Variants in PCDHGA10 observed in about 807,000 individuals in gnomAD.
The protein encoded by PCDHGA10 is protocadherin gamma subfamily A, 10.
Under a neutral mutation model 59.5 loss-of-function variants are expected in PCDHGA10, and 42 were observed. That is an observed-to-expected ratio of 0.71 (90% CI 0.55 to 0.91). The LOEUF is 0.91. PCDHGA10 is among the 40% of genes least tolerant of loss of function. PCDHGA10 has a pLI of 0.00. For missense variants in PCDHGA10, 1,111 were observed against 1,198.2 expected (o/e 0.93, Z 1.07); for synonymous variants, 511 against 517.2 (o/e 0.99, Z 0.16).
At chr5:141,465,047 T>C (rs2099095978) in intron 1 of PCDHGA10, among the ~76,000 whole-genome samples, 1 of 152,088 alleles carries the variant, frequency 6.6e-6, no homozygotes, top group Non-Finnish European at 1.5e-5. Context: ...TGACCCTATA[T>C]ATTTTTTTGA....
chr5:141,498,093 G>T (rs975304630), intron 2 of PCDHGA10, among the ~76,000 whole-genome samples: 4 of 152,220 alleles, frequency 2.6e-5, no homozygotes, highest in Admixed American at 1.3e-4. Context: ...AATTGTATCT[G>T]GTGGTGTGGG....
rs188373658 is a variant in PCDHGA10 at position 141,492,228 on chromosome 5, C to T, written c.2437-2579C>T. ...TGCGCGCGGGGCTCATGCGTGTCCT[C>T]CCTGCTGGCCACCCCCACGGCCCAC... On this transcript the variant is annotated intron_variant, in intron 1 of 3. Coordinates refer to ENST00000398610, the MANE Select transcript of PCDHGA10 (RefSeq NM_018913.3). Among the ~76,000 whole-genome samples the T allele has an allele frequency of 5.3e-5, 8 of 152,292 alleles. No individual in the cohort carries two copies. In the East Asian group the frequency reaches 1.2e-3, roughly 22 times the overall value.
At chr5:141,428,174 G>A (rs962782246) in intron 1 of PCDHGA10, 3 of 1,515,246 alleles carry the variant, frequency 2.0e-6, no homozygotes, top group Non-Finnish European at 2.7e-6. Context: ...TGTGCGTGAC[G>A]GAGGACAGCC....
intron 1 of PCDHGA10, chr5:141,420,344 T>G (rs2096490860): frequency 2.2e-6 from 3 of 1,394,808 alleles, no homozygotes; most frequent in African/African-American, 1.5e-5. Flanking sequence ...TATAGTGGTA[T>G]TATTTTAAGA....
chr5:141,424,184 C>A, intron 1 of PCDHGA10: 1 of 199,136 alleles, frequency 5.0e-6, no homozygotes, highest in Non-Finnish European at 9.9e-6. Context: ...TACACATGCA[C>A]ACACACTTAT....
At position 141,491,752 on chromosome 5, in the gene PCDHGA10, G is replaced by C. The variant is rs1464731659; in HGVS notation, c.2437-3055G>C. 6 of 1,586,646 alleles carry C rather than the reference G, an allele frequency of 3.8e-6. No homozygotes were observed. The African/African-American group carries it at 8.1e-5, about 21-fold the overall frequency. On this transcript the variant is annotated intron_variant, in intron 1 of 3. Transcript: ENST00000398610. The surrounding 1 kb of genome is among the most constrained non-coding windows in gnomAD (Gnocchi z 6.9). ...GACCCCTGGGGGCGGCACTGGAGAA[G>C]CCGCCCGTCCTCATAAGGGATTGAA...
chr5:141,498,616 G>T (rs1202866176), intron 2 of PCDHGA10, among the ~76,000 whole-genome samples: 1 of 152,138 alleles, frequency 6.6e-6, no homozygotes, highest in East Asian at 1.9e-4. Flanking sequence ...AGTCAGCACT[G>T]GGTCACACTG....
Position 141,501,335 on chromosome 5 carries a change from C to A in PCDHGA10, c.2496-4058C>A, listed in dbSNP as rs977626682. 1.5e-4 allele frequency among the ~76,000 whole-genome samples: 20 copies of A among 135,718 alleles called. No individual in the cohort carries two copies. In the East Asian group the frequency reaches 2.2e-3, roughly 15 times the overall value. The allele number at this position is 135,718 out of a possible 152,430, so 89.0% of individuals were successfully genotyped here. The stretch of plus-strand genomic sequence containing the variant: ...CACACACACACACACACACACACAC[C>A]CCAAACTCAATAGGGCAAGAACCAT... On this transcript the variant is annotated intron_variant, in intron 2 of 3. Transcript: ENST00000398610.
At chr5:141,479,241 G>T (rs2099490987) in intron 1 of PCDHGA10, 1 of 152,174 alleles carries the variant, frequency 6.6e-6, no homozygotes, top group Admixed American at 6.5e-5. Context: ...CAAACCCAAA[G>T]ATAACCATTT....
At chr5:141,417,460 A>G (rs1160577617) in intron 1 of PCDHGA10, 1 of 180,404 alleles carries the variant, frequency 5.5e-6, no homozygotes, top group Non-Finnish European at 1.1e-5. Flanking sequence ...GACCAAGTGG[A>G]AATATATTTC....
chr5:141,443,216 C>T (rs758242896), intron 1 of PCDHGA10, among the ~76,000 whole-genome samples: 3 of 151,908 alleles, frequency 2.0e-5, no homozygotes, highest in South Asian at 2.1e-4. Context: ...TCTCGCCAGG[C>T]GCATCTATAA....
At position 141,423,462 on chromosome 5, in the gene PCDHGA10, C is replaced by A. The variant is rs371118964; in HGVS notation, c.2436+7851C>A. ...CCACGTCACATTTTGTAGGCGTGGA[C>A]GGGGTACAGGCTTTCCTGCAAACCT... On this transcript the variant is annotated intron_variant, in intron 1 of 3. Transcript: ENST00000398610. 8.1e-6 allele frequency: 13 copies of A among 1,613,808 alleles called. No homozygotes were observed. The African/African-American group carries it at 1.7e-4, about 22-fold the overall frequency.
At chr5:141,433,361 A>G (rs1208326325) in intron 1 of PCDHGA10, 15 of 297,508 alleles carry the variant, frequency 5.0e-5, no homozygotes, top group Non-Finnish European at 7.0e-5. Context: ...CTGTCTGCCT[A>G]TCTATCTATC....
Position 141,476,656 on chromosome 5 carries a change from T to G in PCDHGA10, c.2437-18151T>G, listed in dbSNP as rs190269177. On this transcript the variant is annotated intron_variant, in intron 1 of 3. Transcript: ENST00000398610. The surrounding 1 kb of genome is among the most constrained non-coding windows in gnomAD (Gnocchi z 7.6). ...ATGAGCTGAGCCGAAATGAATACTTTGCGCTTCGCGTGCAGACGCGGGAGG... is the reference window on the plus strand; with the variant it reads ...ATGAGCTGAGCCGAAATGAATACTTGGCGCTTCGCGTGCAGACGCGGGAGG... The G allele has an allele frequency of 1.2e-6, 2 of 1,614,210 alleles. No individual in the cohort carries two copies. The highest frequency in any genetic ancestry group is 1.7e-6 in the Non-Finnish European group (2 of 1,180,044).
Position 141,511,375 on chromosome 5 carries a change from A to G in PCDHGA10, c.*202A>G. 2 of 1,236,730 alleles carry G rather than the reference A, an allele frequency of 1.6e-6. No individual in the cohort carries two copies. The highest frequency in any genetic ancestry group is 2.2e-6 in the Non-Finnish European group (2 of 912,840). 76.6% of individuals were successfully genotyped at this position (1,236,730 alleles called of 1,614,324 possible). A position where few individuals can be genotyped will look rare whatever the true frequency, so the allele number is the denominator to read the frequency against. On this transcript the variant is annotated 3_prime_UTR_variant, in exon 4 of 4. Coordinates refer to ENST00000398610, the MANE Select transcript of PCDHGA10 (RefSeq NM_018913.3). ...CCCAGGGGGTTGAATATGCAAAAGCAGTTCCGCTGGGAACCCCCATCCAAT... is the reference window on the plus strand; with the variant it reads ...CCCAGGGGGTTGAATATGCAAAAGCGGTTCCGCTGGGAACCCCCATCCAAT...
intron 1 of PCDHGA10, among the ~76,000 whole-genome samples, chr5:141,492,745 C>G (rs2099743569): frequency 6.6e-6 from 1 of 152,262 alleles, no homozygotes; most frequent in Non-Finnish European, 1.5e-5. Flanking sequence ...GTGGCCGAGG[C>G]GCGGCAGGGC....
Position 141,476,598 on chromosome 5 carries a change from A to G in PCDHGA10, c.2437-18209A>G, listed in dbSNP as rs1222456783. The G allele has an allele frequency of 6.2e-7, 1 of 1,614,238 alleles. No homozygotes were observed. Among genetic ancestry groups the G allele is most frequent in the South Asian group, 1.1e-5 (1 of 91,088 alleles). On this transcript the variant is annotated intron_variant, in intron 1 of 3. Transcript: ENST00000398610. This position sits in a 1 kb window ranked among gnomAD's most constrained non-coding sequence, Gnocchi z 7.6. ...CGCTTTCCGCTCGAGAGCGCGCACG[A>G]TCCCGATGTGGGAAGCAACTCTTTA... is the stretch of plus-strand genomic sequence containing the variant.
At chr5:141,428,169 G>T (rs758370904) in intron 1 of PCDHGA10, 5 of 1,539,960 alleles carry the variant, frequency 3.2e-6, no homozygotes, top group South Asian at 2.2e-5. Context: ...GTTGCTGTGC[G>T]TGACGGAGGA....
At chr5:141,456,217 A>G (rs1328039447) in intron 1 of PCDHGA10, among the ~76,000 whole-genome samples, 1 of 152,064 alleles carries the variant, frequency 6.6e-6, no homozygotes, top group East Asian at 1.9e-4. Context: ...CCCTGTGGCG[A>G]TATCAAACTA....
Sources: gnomAD v4.1 joint callset for allele counts (sites outside exome capture counted in the v4.1 genomes callset) on GRCh38, gnomAD v4.1.1 for gene constraint, Gnocchi (gnomAD v3.1) non-coding constraint, MANE v1.5 for transcripts, NCBI Gene and HGNC (gene_info 2026-07-23, HGNC 2026-07-21) for gene names.